Variants in TRIM33 observed in about 807,000 individuals in gnomAD.
TRIM33 encodes E3 ubiquitin-protein ligase TRIM33.
Under a neutral mutation model 125.4 loss-of-function variants are expected in TRIM33, and 20 were observed. The observed-to-expected ratio is 0.16, with a 90% confidence interval of 0.11 to 0.23. The LOEUF is 0.23. Ranked by LOEUF, TRIM33 falls within the 10% of genes least tolerant of loss-of-function variation. TRIM33 has a pLI of 1.00. For synonymous variants in TRIM33, 564 were observed against 513.9 expected, an observed-to-expected ratio of 1.10 and a Z score of -1.32; for missense variants, 920 against 1,411.4, an observed-to-expected ratio of 0.65 and a Z score of 5.58.
At chr1:114,455,380 C>T (rs951420073) in intron 4 of TRIM33, among the ~76,000 whole-genome samples, 4 of 152,084 alleles carry the variant, frequency 2.6e-5, no homozygotes, top group Non-Finnish European at 5.9e-5. Flanking sequence ...ACTCAGTATG[C>T]CTTATGGTAT....
chr1:114,481,639 A>ATATG (rs1553220465), intron 1 of TRIM33, among the ~76,000 whole-genome samples: 1,486 of 142,406 alleles, frequency 0.01, 23 homozygotes, highest in African/African-American at 0.035. Flanking sequence ...CTATATATAT[A>ATATG]TGTGTGTGTG....
rs2101109106 is a variant in TRIM33, at chr1:114,410,259, T to A, written c.2119A>T (p.Ser707Cys). The A allele has an allele frequency of 6.2e-7, 1 of 1,613,998 alleles. No homozygotes were observed. The highest frequency in any genetic ancestry group is 1.6e-4 in the Middle Eastern group (1 of 6,062). ...DNLLSRYISG[S>C]HLPPQPTSTM... is the part of the protein sequence containing the mutation. Reference sequence around the variant, plus strand: ...CTTGTAGGCTGTGGGGGTAGGTGACTGCCTGAGATGTATCTACTTAGTAGA... The same window carrying A: ...CTTGTAGGCTGTGGGGGTAGGTGACAGCCTGAGATGTATCTACTTAGTAGA... Residue 707 changes from serine (S) to cysteine (C), a missense_variant, in exon 12 of 20, where the codon AGT (serine) becomes TGT (cysteine). Physicochemically the swap from Ser to Cys is moderately radical, Grantham distance 112. This residue lies in a region of TRIM33 where 407 missense variants were observed against 589.7 expected (regional missense o/e 0.69). Coordinates refer to ENST00000358465, the MANE Select transcript of TRIM33 (RefSeq NM_015906.4).
intron 1 of TRIM33, among the ~76,000 whole-genome samples, chr1:114,503,925 T>C (rs1438328304): frequency 6.6e-6 from 1 of 152,228 alleles, no homozygotes; most frequent in Non-Finnish European, 1.5e-5. Context: ...CTCAAAAAAC[T>C]GCACAAGTAC....
chr1:114,460,578 T>C (rs1468330586), intron 4 of TRIM33, among the ~76,000 whole-genome samples: 7 of 133,592 alleles, frequency 5.2e-5, no homozygotes, highest in African/African-American at 2.0e-4. Flanking sequence ...GCCACCTTTT[T>C]TTTTTTTTTT....
chr1:114,437,034 T>C (rs1459670827), intron 4 of TRIM33, among the ~76,000 whole-genome samples: 1 of 152,218 alleles, frequency 6.6e-6, no homozygotes, highest in Admixed American at 6.5e-5. Context: ...GGTTAACTAG[T>C]ATCAAAATTC....
chr1:114,503,983 C>T (rs1652850171), intron 1 of TRIM33, among the ~76,000 whole-genome samples: 2 of 152,154 alleles, frequency 1.3e-5, no homozygotes, highest in Admixed American at 1.3e-4. Flanking sequence ...GCACATTTCC[C>T]ACTTCATCAC....
intron 1 of TRIM33, among the ~76,000 whole-genome samples, chr1:114,477,984 C>A (rs1238858362): frequency 1.3e-5 from 2 of 152,120 alleles, no homozygotes; most frequent in African/African-American, 4.8e-5. Flanking sequence ...GGACCACTTT[C>A]AATAATGGCA....
chr1:114,446,415 T>A (rs1330806185), intron 4 of TRIM33, among the ~76,000 whole-genome samples: 1 of 152,070 alleles, frequency 6.6e-6, no homozygotes, highest in African/African-American at 2.4e-5. Context: ...ATATAATGCA[T>A]GAATAAATGA....
chr1:114,485,141 T>C (rs1271670975), intron 1 of TRIM33, among the ~76,000 whole-genome samples: 1 of 152,010 alleles, frequency 6.6e-6, no homozygotes, highest in Non-Finnish European at 1.5e-5. Flanking sequence ...TTGCAGAGAA[T>C]AGGAATTAAA....
chr1:114,473,129 C>T (rs950542713), intron 1 of TRIM33, among the ~76,000 whole-genome samples: 1 of 151,126 alleles, frequency 6.6e-6, no homozygotes, highest in Non-Finnish European at 1.5e-5. Context: ...TGGTTTCAGG[C>T]GCCTGTAGTC....
At chr1:114,451,991 A>G (rs893497869) in intron 4 of TRIM33, among the ~76,000 whole-genome samples, 5 of 152,228 alleles carry the variant, frequency 3.3e-5, no homozygotes, top group East Asian at 1.9e-4. Context: ...GAGGTTTCAC[A>G]TAAGATTCTA....
Position 114,393,001 on chromosome 1 carries a change from T to G in TRIM33, c.*4647A>C, listed in dbSNP as rs1651360293. ...ACACAGGAACGAAACAATTAGAAAC[T>G]GCAACCTTGTTTTAAAAAATTAAAT... On this transcript the variant is annotated 3_prime_UTR_variant, in exon 20 of 20. Transcript: ENST00000358465. 5.0e-6 allele frequency: 1 copy of G among 200,702 alleles called. No individual in the cohort carries two copies. Among genetic ancestry groups the G allele is most frequent in the Admixed American group, 6.0e-5 (1 of 16,652 alleles). 12.4% of individuals were successfully genotyped at this position (200,702 alleles called of 1,614,324 possible).
At chr1:114,481,639 A>ATATATGTG (rs1553220465) in intron 1 of TRIM33, among the ~76,000 whole-genome samples, 1 of 142,338 alleles carries the variant, frequency 7.0e-6, no homozygotes, top group Admixed American at 7.0e-5. Flanking sequence ...CTATATATAT[A>ATATATGTG]TGTGTGTGTG....
At chr1:114,476,262 A>G (rs1471194623) in intron 1 of TRIM33, among the ~76,000 whole-genome samples, 1 of 151,968 alleles carries the variant, frequency 6.6e-6, no homozygotes, top group Non-Finnish European at 1.5e-5. Context: ...TGAATTTTAC[A>G]GTCCACATCC....
Position 114,425,751 on chromosome 1 carries a change from C to T in TRIM33, c.1421-28G>A, listed in dbSNP as rs750636444. The stretch of plus-strand genomic sequence containing the variant: ...GAAAAATTTAAAAAATGAGAATTTG[C>T]ATATAATCAACTAAATCATCTACTT... On this transcript the variant is annotated intron_variant, in intron 8 of 19. Coordinates refer to ENST00000358465, the MANE Select transcript of TRIM33 (RefSeq NM_015906.4). The T allele has an allele frequency of 2.4e-5, 37 of 1,517,890 alleles. 1 individual carries two copies. Among genetic ancestry groups the T allele is most frequent in the South Asian group, 3.6e-5 (3 of 82,302 alleles). 94.0% of individuals were successfully genotyped at this position (1,517,890 alleles called of 1,614,324 possible).
At chr1:114,491,585 C>A (rs1652067852) in intron 1 of TRIM33, among the ~76,000 whole-genome samples, 2 of 152,098 alleles carry the variant, frequency 1.3e-5, no homozygotes, top group African/African-American at 4.8e-5. Context: ...GTAGATAAAG[C>A]TTGAGTCCAG....
chr1:114,404,344 CCATG>C lies in TRIM33; in HGVS notation c.2768+1062_2768+1065del, dbSNP rs1652101331. On this transcript the variant is annotated intron_variant, in intron 15 of 19. Coordinates refer to ENST00000358465, the MANE Select transcript of TRIM33 (RefSeq NM_015906.4). Reference sequence around the variant, plus strand: ...TATTTTTAGTAGAGATGGGGTTTTGCCATGTTGGCCAGGCTGGTCTCAAACTCCT... The same window carrying C: ...TATTTTTAGTAGAGATGGGGTTTTGCTTGGCCAGGCTGGTCTCAAACTCCT... The C allele has an allele frequency of 3.3e-5, 5 of 151,630 alleles. No homozygotes were observed. In the South Asian group the frequency reaches 1.0e-3, roughly 32 times the overall value. 9.4% of individuals were successfully genotyped at this position (151,630 alleles called of 1,614,324 possible). A position where few individuals can be genotyped will look rare whatever the true frequency, so the allele number is the denominator to read the frequency against.
At chr1:114,432,650 G>A (rs1239902597) in intron 5 of TRIM33, among the ~76,000 whole-genome samples, 1 of 152,158 alleles carries the variant, frequency 6.6e-6, no homozygotes, top group Non-Finnish European at 1.5e-5. Flanking sequence ...GCCGAGCATG[G>A]TGGTGGGCGC....
intron 4 of TRIM33, among the ~76,000 whole-genome samples, chr1:114,461,772 T>C (rs1462239960): frequency 6.6e-6 from 1 of 152,142 alleles, no homozygotes. Context: ...CAAAAAAAGA[T>C]CTGACTGCAG....
Sources: allele counts gnomAD v4.1 joint callset (sites outside exome capture counted in the v4.1 genomes callset), GRCh38; gene constraint gnomAD v4.1.1; regional missense constraint gnomAD v4.1.1; transcripts MANE v1.5; gene names NCBI Gene and HGNC (gene_info 2026-07-23, HGNC 2026-07-21).